Variants in NR3C2 observed in about 807,000 individuals in gnomAD.
The protein encoded by NR3C2 is nuclear receptor subfamily 3 group C member 2, also known as mineralocorticoid receptor.
NR3C2 carries 15 observed loss-of-function variants against 86.4 expected under a neutral mutation model. That is an observed-to-expected ratio of 0.17 (90% CI 0.12 to 0.27). The LOEUF (loss-of-function observed/expected upper bound fraction) is 0.27. Among genes scored for constraint, NR3C2 ranks in the 10% least tolerant of loss-of-function variants. The pLI is 1.00. For synonymous variants in NR3C2, 458 were observed against 450.5 expected, an observed-to-expected ratio of 1.02 and a Z score of -0.21; for missense variants, 960 against 1,195.6, an observed-to-expected ratio of 0.80 and a Z score of 2.91.
chr4:148,423,227 T>A (rs1749368387), intron 2 of NR3C2, among the ~76,000 whole-genome samples: 2 of 148,826 alleles, frequency 1.3e-5, no homozygotes, highest in Non-Finnish European at 1.5e-5. Context: ...ATTCCTGAAT[T>A]AAAAAAAAAA....
At chr4:148,333,611 T>C (rs898510501) in intron 2 of NR3C2, among the ~76,000 whole-genome samples, 2 of 152,180 alleles carry the variant, frequency 1.3e-5, no homozygotes, top group Admixed American at 6.5e-5. Flanking sequence ...AAGTCCCACA[T>C]GCTAGTCCCA....
chr4:148,151,462 T>TAA (rs1734099297), intron 6 of NR3C2, among the ~76,000 whole-genome samples: 1 of 152,208 alleles, frequency 6.6e-6, no homozygotes, highest in Non-Finnish European at 1.5e-5. Context: ...CTCTTTTTGA[T>TAA]AAATTGCCAA....
intron 3 of NR3C2, among the ~76,000 whole-genome samples, chr4:148,213,150 T>C (rs901282446): frequency 4.1e-5 from 6 of 145,954 alleles, no homozygotes; most frequent in Admixed American, 2.1e-4. Context: ...TTTTTTTTTT[T>C]AGACAAGACC....
intron 3 of NR3C2, among the ~76,000 whole-genome samples, chr4:148,252,593 A>C (rs1442262034): frequency 1.3e-5 from 2 of 152,202 alleles, no homozygotes; most frequent in Non-Finnish European, 2.9e-5. Flanking sequence ...ATTAAAACCA[A>C]AGTAGCTCAT....
chr4:148,271,473 A>T (rs1008877628), intron 2 of NR3C2, among the ~76,000 whole-genome samples: 1 of 151,990 alleles, frequency 6.6e-6, no homozygotes, highest in Non-Finnish European at 1.5e-5. Context: ...TTTTTTGGCC[A>T]CTAAGATTTT....
chr4:148,220,490 T>G (rs779809360), intron 3 of NR3C2, among the ~76,000 whole-genome samples: 10 of 152,236 alleles, frequency 6.6e-5, no homozygotes, highest in Non-Finnish European at 7.3e-5. Context: ...GTGGACTGAC[T>G]TCTGATTATA....
At chr4:148,441,592 G>A (rs7658048) in intron 1 of NR3C2, among the ~76,000 whole-genome samples, 41,743 of 152,154 alleles carry the variant, frequency 0.27, 6,578 homozygotes, top group Middle Eastern at 0.53. Flanking sequence ...GAGTAAGGAT[G>A]CCACCAAAAG....
chr4:148,240,252 TTATA>T (rs1186061931), intron 3 of NR3C2, among the ~76,000 whole-genome samples: 1 of 147,688 alleles, frequency 6.8e-6, no homozygotes, highest in African/African-American at 2.5e-5. Context: ...ATATATATAT[TTATA>T]TATAAATATA....
chr4:148,291,224 AG>A (rs1255736443), intron 2 of NR3C2, among the ~76,000 whole-genome samples: 1 of 152,070 alleles, frequency 6.6e-6, no homozygotes, highest in African/African-American at 2.4e-5. Context: ...ACCTGTAATT[AG>A]ATTATGACTT....
chr4:148,360,901 G>T (rs889189524), intron 2 of NR3C2, among the ~76,000 whole-genome samples: 1 of 152,136 alleles, frequency 6.6e-6, no homozygotes, highest in Non-Finnish European at 1.5e-5. Flanking sequence ...CATAAAGTCT[G>T]GGGTTCCACG....
chr4:148,425,208 A>G (rs1749468456), intron 2 of NR3C2, among the ~76,000 whole-genome samples: 1 of 152,208 alleles, frequency 6.6e-6, no homozygotes, highest in South Asian at 2.1e-4. Context: ...CATTCTCTCA[A>G]TATTTACTGA....
Position 148,080,816 on chromosome 4 carries a change from GC to G in NR3C2, c.*527del, listed in dbSNP as rs1453171177. On this transcript the variant is annotated 3_prime_UTR_variant, in exon 9 of 9. Coordinates refer to ENST00000358102, the MANE Select transcript of NR3C2 (RefSeq NM_000901.5). Reference sequence around the variant, plus strand: ...GACGAGCGAGGGCTCAGAGGCAGCTGCTGCCCCACGCCACGAGTTCTGTTAT... The same window carrying G: ...GACGAGCGAGGGCTCAGAGGCAGCTGTGCCCCACGCCACGAGTTCTGTTAT... 1 of 427,898 alleles carries G rather than the reference GC, an allele frequency of 2.3e-6. No individual in the cohort carries two copies. The highest frequency in any genetic ancestry group is 2.4e-5 in the Admixed American group (1 of 41,480). The allele number at this position is 427,898 out of a possible 1,614,324, so 26.5% of individuals were successfully genotyped here.
intron 6 of NR3C2, among the ~76,000 whole-genome samples, chr4:148,128,616 T>C (rs1275182810): frequency 6.6e-6 from 1 of 152,166 alleles, no homozygotes; most frequent in Non-Finnish European, 1.5e-5. Flanking sequence ...TGGTTTGAAC[T>C]TCCCACTCAT....
At chr4:148,146,527 C>A (rs28482137) in intron 6 of NR3C2, 2 of 152,316 alleles carry the variant, frequency 1.3e-5, no homozygotes, top group Non-Finnish European at 2.9e-5. Flanking sequence ...ACTGACCCAG[C>A]GACTGGGGAC....
At chr4:148,323,155 G>T (rs1233944743) in intron 2 of NR3C2, among the ~76,000 whole-genome samples, 9 of 149,502 alleles carry the variant, frequency 6.0e-5, no homozygotes, top group African/African-American at 2.2e-4. Context: ...GTGTCAGTGT[G>T]CCTCTGCTGG....
chr4:148,390,128 A>G (rs1170805200), intron 2 of NR3C2, among the ~76,000 whole-genome samples: 1 of 132,960 alleles, frequency 7.5e-6, no homozygotes, highest in Non-Finnish European at 1.5e-5. Flanking sequence ...TACATTCCTT[A>G]AAAAAAAAAA....
intron 6 of NR3C2, among the ~76,000 whole-genome samples, chr4:148,122,208 A>T (rs1049542786): frequency 1.3e-5 from 2 of 151,734 alleles, no homozygotes; most frequent in African/African-American, 4.8e-5. Flanking sequence ...TTCTTTGGTG[A>T]TTTGACTATT....
intron 2 of NR3C2, among the ~76,000 whole-genome samples, chr4:148,423,881 G>C (rs1749402028): frequency 6.6e-6 from 1 of 152,054 alleles, no homozygotes; most frequent in Non-Finnish European, 1.5e-5. Context: ...GCTAATATTT[G>C]TTTGTATTTT....
intron 7 of NR3C2, among the ~76,000 whole-genome samples, chr4:148,116,993 G>C (rs554908421): frequency 6.6e-6 from 1 of 152,168 alleles, no homozygotes; most frequent in African/African-American, 2.4e-5. Context: ...GCTTGGCAGA[G>C]GAGTAAAATC....
Sources: allele counts gnomAD v4.1 joint callset (sites outside exome capture counted in the v4.1 genomes callset), GRCh38; gene constraint gnomAD v4.1.1; transcripts MANE v1.5; gene names NCBI Gene and HGNC (gene_info 2026-07-23, HGNC 2026-07-21).